GARNL3: variants seen among roughly 807,000 people sequenced by gnomAD.
GARNL3 encodes GTPase-activating Rap/Ran-GAP domain-like protein 3.
GARNL3 carries 63 observed loss-of-function variants against 125.0 expected under a neutral mutation model. The ratio of observed to expected loss-of-function variants is 0.50; its 90% CI spans 0.41 to 0.62. GARNL3 has a LOEUF of 0.62. GARNL3 is among the 20% of genes least tolerant of loss of function. The pLI is 0.00. For missense variants in GARNL3, 994 were observed against 1,244.0 expected, an observed-to-expected ratio of 0.80 and a Z score of 3.02; for synonymous variants, 439 against 457.5, an observed-to-expected ratio of 0.96 and a Z score of 0.52.
rs1265310761 is a variant in GARNL3, at chr9:127,364,670, T to C, written c.2095-630T>C. On this transcript the variant is annotated intron_variant, in intron 21 of 27. Coordinates refer to ENST00000373387, the MANE Select transcript of GARNL3 (RefSeq NM_032293.5). This position sits in a 1 kb window ranked among gnomAD's most constrained non-coding sequence, Gnocchi z 4.2. ...ACCCTTTTCATTGCACCATGCTGCCTCTCTTGACATGAAGAACAGAGAAAG... is the reference window on the plus strand; with the variant it reads ...ACCCTTTTCATTGCACCATGCTGCCCCTCTTGACATGAAGAACAGAGAAAG... The C allele has an allele frequency of 1.3e-5, 2 of 152,284 alleles. No individual in the cohort carries two copies. The highest frequency in any genetic ancestry group is 4.8e-5 in the African/African-American group (2 of 41,422). 9.4% of individuals were successfully genotyped at this position (152,284 alleles called of 1,614,324 possible). A position where few individuals can be genotyped will look rare whatever the true frequency, so the allele number is the denominator to read the frequency against.
chr9:127,225,881 C>A (rs2062903763), intron 1 of GARNL3, among the ~76,000 whole-genome samples: 1 of 151,542 alleles, frequency 6.6e-6, no homozygotes. Context: ...CTGCCCGGGC[C>A]GCCGGCGCCC....
At chr9:127,230,343 A>G (rs2062978922) in intron 1 of GARNL3, among the ~76,000 whole-genome samples, 1 of 152,206 alleles carries the variant, frequency 6.6e-6, no homozygotes, top group Admixed American at 6.5e-5. Context: ...GCTTTAGTAA[A>G]TGGTAACTGC....
chr9:127,350,276 G>C (rs1830356224), intron 17 of GARNL3, among the ~76,000 whole-genome samples: 1 of 152,190 alleles, frequency 6.6e-6, no homozygotes, highest in South Asian at 2.1e-4. Context: ...CTAAATTGGA[G>C]ATAATTTTTT....
chr9:127,374,933 G>T, intron 22 of GARNL3, among the ~76,000 whole-genome samples: 1 of 146,460 alleles, frequency 6.8e-6, no homozygotes, highest in African/African-American at 2.5e-5. Context: ...AAACAACAAA[G>T]AAAAACTTTT....
chr9:127,275,880 T>G (rs1418739145), intron 1 of GARNL3, among the ~76,000 whole-genome samples: 1 of 152,252 alleles, frequency 6.6e-6, no homozygotes, highest in Non-Finnish European at 1.5e-5. Context: ...GTTATCGTTG[T>G]GTTGCAGTCT....
chr9:127,235,110 G>A (rs115549516), intron 1 of GARNL3, among the ~76,000 whole-genome samples: 1 of 151,992 alleles, frequency 6.6e-6, no homozygotes. Context: ...AGCTTCTGGC[G>A]ATAGCCAGGG....
intron 19 of GARNL3, 97 bp downstream of exon 19, chr9:127,354,507 C>A: frequency 2.8e-6 from 2 of 704,400 alleles, no homozygotes; most frequent in Non-Finnish European, 4.8e-6. Flanking sequence ...GGAATTTGAT[C>A]TTATTAGTTT....
chr9:127,252,761 C>G (rs2063428447), intron 2 of GARNL3, among the ~76,000 whole-genome samples: 1 of 152,168 alleles, frequency 6.6e-6, no homozygotes, highest in African/African-American at 2.4e-5. Context: ...AATTTACATG[C>G]AATAAAATGC....
intron 1 of GARNL3, among the ~76,000 whole-genome samples, chr9:127,287,885 T>C (rs1415440322): frequency 6.6e-6 from 1 of 152,248 alleles, no homozygotes; most frequent in Non-Finnish European, 1.5e-5. Context: ...TCTTGCATGA[T>C]TAATGAACCT....
chr9:127,309,653 A>G (rs1226187937), intron 2 of GARNL3, among the ~76,000 whole-genome samples: 1 of 152,236 alleles, frequency 6.6e-6, no homozygotes, highest in Non-Finnish European at 1.5e-5. Context: ...TTTCAATGCC[A>G]GAAGAGCTAT....
intron 22 of GARNL3, among the ~76,000 whole-genome samples, chr9:127,368,492 G>A (rs1056082691): frequency 2.0e-5 from 3 of 151,276 alleles, no homozygotes; most frequent in Admixed American, 6.6e-5. Flanking sequence ...CACCACACCC[G>A]GCCAATTTTG....
chr9:127,392,477 A>G lies in GARNL3; in HGVS notation c.2871-606A>G, dbSNP rs1832920281. ...GCAAGGGCCCCGAAGCAGGCCTAGC[A>G]TGGCCAGTTAAAAGGCAGGAGGAAG... On this transcript the variant is annotated intron_variant, in intron 27 of 27. Transcript: ENST00000373387. The surrounding 1 kb of genome is among the most constrained non-coding windows in gnomAD (Gnocchi z 5.2). Among the ~76,000 whole-genome samples the G allele has an allele frequency of 6.6e-6, 1 of 152,282 alleles. No homozygotes were observed. The highest frequency in any genetic ancestry group is 1.5e-5 in the Non-Finnish European group (1 of 68,052).
chr9:127,293,379 T>C (rs1258463560), intron 2 of GARNL3, among the ~76,000 whole-genome samples: 2 of 152,240 alleles, frequency 1.3e-5, no homozygotes, highest in Non-Finnish European at 2.9e-5. Context: ...AGATATATGA[T>C]TGGGAAAAGT....
chr9:127,311,790 T>C (rs983272965), intron 3 of GARNL3, 55 bp downstream of exon 3: 2 of 1,221,008 alleles, frequency 1.6e-6, no homozygotes, highest in African/African-American at 3.0e-5. Context: ...TGGAAGTTAG[T>C]GTTCATATAA....
intron 12 of GARNL3, among the ~76,000 whole-genome samples, chr9:127,338,417 T>C (rs1829672143): frequency 6.6e-6 from 1 of 152,216 alleles, no homozygotes; most frequent in Admixed American, 6.5e-5. Flanking sequence ...AGGTTTGATA[T>C]ATTTGATCTT....
chr9:127,345,610 C>A, intron 16 of GARNL3, 133 bp downstream of exon 16: 2 of 564,234 alleles, frequency 3.5e-6, no homozygotes, highest in Non-Finnish European at 3.0e-6. Flanking sequence ...CAGGGAAAGC[C>A]CTAGATAAAA....
At position 127,235,991 on chromosome 9, in the gene GARNL3, G is replaced by GA. The variant is rs536157581; in HGVS notation, c.-28-7082dup. Among the ~76,000 whole-genome samples, 82 of 152,300 alleles carry GA rather than the reference G, an allele frequency of 5.4e-4. 2 individuals are homozygous for GA. Among genetic ancestry groups the GA allele is most frequent in the South Asian group, 1.2e-3 (6 of 4,826 alleles). ...ATCTGATGGAAGTGATCCAAAAAGG[G>GA]AAAAAATCAATATGGGAGAGTAGTG... On this transcript the variant is annotated intron_variant, in intron 1 of 10. Transcript: ENST00000439286.
At chr9:127,355,007 G>A (rs1049034541) in intron 19 of GARNL3, among the ~76,000 whole-genome samples, 2 of 152,226 alleles carry the variant, frequency 1.3e-5, no homozygotes, top group Non-Finnish European at 2.9e-5. Context: ...TGGCCAGGCT[G>A]GTCTCGAATT....
At chr9:127,289,425 C>T (rs1483532865) in intron 1 of GARNL3, among the ~76,000 whole-genome samples, 1 of 152,178 alleles carries the variant, frequency 6.6e-6, no homozygotes, top group Non-Finnish European at 1.5e-5. Context: ...GGGAGAGTTC[C>T]ATTGCAGAGC....
Sources: allele counts gnomAD v4.1 joint callset (sites outside exome capture counted in the v4.1 genomes callset), GRCh38; gene constraint gnomAD v4.1.1; non-coding constraint Gnocchi (gnomAD v3.1); transcripts MANE v1.5; gene names NCBI Gene and HGNC (gene_info 2026-07-23, HGNC 2026-07-21).